Variants in COL25A1 observed in about 807,000 individuals in gnomAD.
COL25A1 encodes collagen type XXV alpha 1 chain, also known as collagen alpha-1(XXV) chain.
In COL25A1, 103 loss-of-function variants were observed where a neutral mutation model predicts 128.4. The observed-to-expected ratio is 0.80, with a 90% CI of 0.68 to 0.94. The LOEUF (loss-of-function observed/expected upper bound fraction) is 0.94, where lower values mean the gene tolerates loss of function less well. Ranked by LOEUF, COL25A1 falls within the 40% of genes least tolerant of loss-of-function variation. COL25A1 has a pLI of 0.00. For missense variants in COL25A1, 745 were observed against 840.0 expected, an observed-to-expected ratio of 0.89 and a Z score of 1.40; for synonymous variants, 279 against 277.2, an observed-to-expected ratio of 1.01 and a Z score of -0.06.
chr4:109,111,878 C>T (rs955052622), intron 3 of COL25A1, among the ~76,000 whole-genome samples: 16 of 152,136 alleles, frequency 1.1e-4, no homozygotes, highest in Admixed American at 7.2e-4. Context: ...TAATACATAA[C>T]GATTGAAGGG....
intron 3 of COL25A1, among the ~76,000 whole-genome samples, chr4:109,066,420 G>A (rs1560626777): frequency 1.3e-5 from 2 of 152,148 alleles, no homozygotes; most frequent in African/African-American, 2.4e-5. Flanking sequence ...TTTGCTGAAA[G>A]GCAATTTGAT....
Position 108,937,856 on chromosome 4 carries a change from T to C in COL25A1, c.673-13A>G, listed in dbSNP as rs757493881. 6 of 1,598,648 alleles carry C rather than the reference T, an allele frequency of 3.8e-6. No homozygotes were observed. Among genetic ancestry groups the C allele is most frequent in the South Asian group, 1.1e-5 (1 of 87,756 alleles). On this transcript the variant is annotated splice_polypyrimidine_tract_variant and intron_variant, in intron 10 of 37. Coordinates refer to ENST00000399132, the MANE Select transcript of COL25A1 (RefSeq NM_198721.4). ...TTCCTGGTTCACCCTTAAAAAAGAA[T>C]AGTGATAATTTTAGTAACGCTGTAA... is the stretch of plus-strand genomic sequence containing the variant.
chr4:109,297,862 C>CTT lies in COL25A1; in HGVS notation c.367+2719_367+2720dup, dbSNP rs35099153. ...GGTATTATTAGTCTTTTTTCCTTTTCTTTTTTTTTTTTTTTTTTTTTTTTT... is the reference window on the plus strand; with the variant it reads ...GGTATTATTAGTCTTTTTTCCTTTTCTTTTTTTTTTTTTTTTTTTTTTTTTTT... On this transcript the variant is annotated intron_variant, in intron 3 of 37. Coordinates refer to ENST00000399132, the MANE Select transcript of COL25A1 (RefSeq NM_198721.4). 2.7e-3 allele frequency among the ~76,000 whole-genome samples: 174 copies of CTT among 63,878 alleles called. 10 individuals carry two copies. Among genetic ancestry groups the CTT allele is most frequent in the Admixed American group, 3.9e-3 (16 of 4,132 alleles). 41.9% of individuals were successfully genotyped at this position (63,878 alleles called of 152,430 possible).
At chr4:109,062,048 C>T (rs999456850) in intron 3 of COL25A1, among the ~76,000 whole-genome samples, 5 of 152,098 alleles carry the variant, frequency 3.3e-5, no homozygotes, top group Non-Finnish European at 5.9e-5. Flanking sequence ...CACTCTTTTG[C>T]CCTTAAGTAA....
intron 13 of COL25A1, among the ~76,000 whole-genome samples, chr4:108,910,776 T>C (rs958318822): frequency 2.0e-5 from 3 of 152,214 alleles, no homozygotes; most frequent in African/African-American, 7.2e-5. Flanking sequence ...CTATAAGGAC[T>C]GAATGAGCTA....
chr4:108,864,008 C>T (rs1172798643), intron 20 of COL25A1, among the ~76,000 whole-genome samples: 1 of 152,168 alleles, frequency 6.6e-6, no homozygotes, highest in Non-Finnish European at 1.5e-5. Flanking sequence ...TGTGGGACTT[C>T]TCAGCCTCTA....
intron 3 of COL25A1, among the ~76,000 whole-genome samples, chr4:109,107,070 T>A (rs2126031789): frequency 6.6e-6 from 1 of 152,278 alleles, no homozygotes; most frequent in South Asian, 2.1e-4. Flanking sequence ...GACTAGCCCA[T>A]TTAAAATTTA....
rs17040043 is a variant in COL25A1 at position 109,170,298 on chromosome 4, A to G, written c.368-120119T>C. 7.6e-3 allele frequency among the ~76,000 whole-genome samples: 1,160 copies of G among 152,294 alleles called. 14 individuals are homozygous for G. Among genetic ancestry groups the G allele is most frequent in the African/African-American group, 0.026 (1,099 of 41,568 alleles). Reference sequence around the variant, plus strand: ...AAAAAAGTATAATTCTTGAAATAGGAAATCCATACCAGTCCTTCTAAAAAC... The same window carrying G: ...AAAAAAGTATAATTCTTGAAATAGGGAATCCATACCAGTCCTTCTAAAAAC... On this transcript the variant is annotated intron_variant, in intron 3 of 37. Transcript: ENST00000399132.
intron 6 of COL25A1, among the ~76,000 whole-genome samples, chr4:109,008,084 C>T (rs1474459169): frequency 1.3e-5 from 2 of 152,218 alleles, no homozygotes; most frequent in African/African-American, 4.8e-5. Flanking sequence ...GACACGAGCA[C>T]TTGGATGTTG....
chr4:108,917,926 A>G (rs1745053298), intron 13 of COL25A1, among the ~76,000 whole-genome samples: 1 of 152,240 alleles, frequency 6.6e-6, no homozygotes, highest in African/African-American at 2.4e-5. Flanking sequence ...TATCACATAC[A>G]TAATTTATTG....
At chr4:109,254,505 A>ATATATATATATATATATATGTGTGTG (rs1383703429) in intron 3 of COL25A1, among the ~76,000 whole-genome samples, 1 of 104,992 alleles carries the variant, frequency 9.5e-6, no homozygotes, top group African/African-American at 3.4e-5. Flanking sequence ...ATATATATAT[A>ATATATATATATATATATATGTGTGTG]TGTATGTGTG....
rs1165107884 is a variant in COL25A1, at chr4:108,810,948, C to G, written c.*2979G>C. On this transcript the variant is annotated 3_prime_UTR_variant, in exon 38 of 38. Coordinates refer to ENST00000399132, the MANE Select transcript of COL25A1 (RefSeq NM_198721.4). ...AGCACCAACCAACATAAATGAAAAA[C>G]AATTTTAAATCTAAAACACATATCA... 1 of 151,960 alleles carries G rather than the reference C, an allele frequency of 6.6e-6. No homozygotes were observed. The highest frequency in any genetic ancestry group is 2.4e-5 in the African/African-American group (1 of 41,432). The allele number at this position is 151,960 out of a possible 1,614,324, so 9.4% of individuals were successfully genotyped here.
At chr4:109,149,136 C>A (rs1008935123) in intron 3 of COL25A1, among the ~76,000 whole-genome samples, 7 of 152,110 alleles carry the variant, frequency 4.6e-5, no homozygotes, top group African/African-American at 1.7e-4. Flanking sequence ...ATTTTTGTAG[C>A]CTTATTTTCC....
chr4:109,213,560 C>G (rs1777754443), intron 3 of COL25A1, among the ~76,000 whole-genome samples: 1 of 152,146 alleles, frequency 6.6e-6, no homozygotes. Flanking sequence ...GCCTGGTCAA[C>G]AGCCCATTTA....
intron 3 of COL25A1, among the ~76,000 whole-genome samples, chr4:109,060,701 C>CA (rs34073673): frequency 1.9e-4 from 28 of 147,198 alleles, no homozygotes; most frequent in Non-Finnish European, 3.7e-4. Flanking sequence ...AAAAAAAAAA[C>CA]AAAAAAACAT....
intron 8 of COL25A1, among the ~76,000 whole-genome samples, chr4:108,951,634 C>T (rs1406119376): frequency 6.6e-6 from 1 of 152,186 alleles, no homozygotes; most frequent in South Asian, 2.1e-4. Flanking sequence ...GATCTACACA[C>T]CTTGGCCTCC....
chr4:109,200,395 T>C (rs936964549), intron 3 of COL25A1, among the ~76,000 whole-genome samples: 1 of 152,182 alleles, frequency 6.6e-6, no homozygotes, highest in Non-Finnish European at 1.5e-5. Context: ...CATGGCTCTT[T>C]GCTTTTTCAA....
chr4:108,844,107 G>A (rs1734789833), intron 30 of COL25A1, among the ~76,000 whole-genome samples: 1 of 152,060 alleles, frequency 6.6e-6, no homozygotes, highest in Non-Finnish European at 1.5e-5. Flanking sequence ...TGCCCAGGCT[G>A]GTAACTCCTG....
At chr4:108,850,400 A>G (rs10008984) in intron 26 of COL25A1, among the ~76,000 whole-genome samples, 5,985 of 151,890 alleles carry the variant, frequency 0.039, 394 homozygotes, top group African/African-American at 0.13. Context: ...CTTCTCAAGG[A>G]CAGACCATGA....
Sources: allele counts gnomAD v4.1 joint callset (sites outside exome capture counted in the v4.1 genomes callset), GRCh38; gene constraint gnomAD v4.1.1; transcripts MANE v1.5; gene names NCBI Gene and HGNC (gene_info 2026-07-23, HGNC 2026-07-21).